Variants in STK3 observed in about 807,000 individuals in gnomAD.
The protein encoded by STK3 is serine/threonine kinase 3, also known as serine/threonine-protein kinase 3.
STK3 carries 41 observed loss-of-function variants against 58.0 expected under a neutral mutation model. The ratio of observed to expected loss-of-function variants is 0.71; its 90% confidence interval spans 0.55 to 0.92. The LOEUF is 0.92. Ranked by LOEUF, STK3 falls within the 40% of genes least tolerant of loss-of-function variation. The pLI is 0.00. For missense variants in STK3, 479 were observed against 602.7 expected, an observed-to-expected ratio of 0.79 and a Z score of 2.15; for synonymous variants, 170 against 191.0, an observed-to-expected ratio of 0.89 and a Z score of 0.91.
intron 1 of STK3, among the ~76,000 whole-genome samples, chr8:98,895,271 G>A (rs1168271456): frequency 6.6e-6 from 1 of 152,164 alleles, no homozygotes; most frequent in Non-Finnish European, 1.5e-5. Context: ...CCTGAGGTAA[G>A]CCCTAAGATT....
At position 98,814,271 on chromosome 8, in the gene STK3, G is replaced by A. The variant is rs377477110; in HGVS notation, c.26+11244C>T. 7.3e-5 allele frequency among the ~76,000 whole-genome samples: 11 copies of A among 151,274 alleles called. No homozygotes were observed. In the East Asian group the frequency reaches 7.7e-4, roughly 11 times the overall value. ...TCACCATGTTGGTCAGGCTGGTCTC[G>A]AACTCCTGACCTCAGGTGATCCACC... On this transcript the variant is annotated intron_variant, in intron 1 of 10. Transcript: ENST00000419617.
chr8:98,377,398 C>T (rs913492368), intron 2 of STK3, among the ~76,000 whole-genome samples: 49 of 151,938 alleles, frequency 3.2e-4, no homozygotes, highest in African/African-American at 1.1e-3. Context: ...TATTTATTTG[C>T]AGCCAAATAG....
At chr8:98,383,321 G>A (rs1005570883) in intron 1 of STK3, among the ~76,000 whole-genome samples, 1 of 152,152 alleles carries the variant, frequency 6.6e-6, no homozygotes, top group Non-Finnish European at 1.5e-5. Context: ...TGTGTTTTAT[G>A]AAAGCCCATG....
chr8:98,454,531 T>A (rs1819352791), downstream of STK3: 1 of 152,292 alleles, frequency 6.6e-6, no homozygotes, highest in Non-Finnish European at 1.5e-5. Context: ...GTGAGGGTTG[T>A]CAGCACTGCA....
chr8:98,692,451 AACAC>A (rs200415762), intron 6 of STK3, among the ~76,000 whole-genome samples: 1 of 152,092 alleles, frequency 6.6e-6, no homozygotes, highest in South Asian at 2.1e-4. Flanking sequence ...GGCTACATAA[AACAC>A]ACACACACAC....
downstream of STK3, among the ~76,000 whole-genome samples, chr8:98,367,374 C>G (rs1351547215): frequency 2.0e-5 from 3 of 152,200 alleles, no homozygotes; most frequent in African/African-American, 7.2e-5. Flanking sequence ...TAGAAATAAT[C>G]TTTGGATCGC....
intron 1 of STK3, among the ~76,000 whole-genome samples, chr8:98,918,319 G>T (rs145471299): frequency 2.6e-5 from 4 of 152,322 alleles, no homozygotes; most frequent in Non-Finnish European, 4.4e-5. Context: ...ACTTGCAAAA[G>T]TCAGGTATTT....
At chr8:98,358,290 C>T in the STK3 span, among the ~76,000 whole-genome samples, 1 of 152,152 alleles carries the variant, frequency 6.6e-6, no homozygotes, top group African/African-American at 2.4e-5. Context: ...AGCTCTTCCC[C>T]GGGTCAGGCA....
chr8:98,685,436 T>C (rs1002589854), intron 6 of STK3, among the ~76,000 whole-genome samples: 1 of 152,180 alleles, frequency 6.6e-6, no homozygotes, highest in African/African-American at 2.4e-5. Flanking sequence ...TCTAGAGAAG[T>C]TGAGACCTGT....
chr8:98,761,541 CT>C (rs1439042660), intron 3 of STK3, among the ~76,000 whole-genome samples: 4 of 152,118 alleles, frequency 2.6e-5, no homozygotes, highest in African/African-American at 9.7e-5. Context: ...AATTAAAATA[CT>C]AAAGAAATGG....
At chr8:98,349,198 C>T in the STK3 span, among the ~76,000 whole-genome samples, 1 of 152,102 alleles carries the variant, frequency 6.6e-6, no homozygotes, top group Non-Finnish European at 1.5e-5. Context: ...CTAGAAAAGG[C>T]AGAACTACAG....
At chr8:98,565,960 AT>A (rs1432292784) in intron 8 of STK3, among the ~76,000 whole-genome samples, 1 of 152,214 alleles carries the variant, frequency 6.6e-6, no homozygotes, top group African/African-American at 2.4e-5. Context: ...GATCTTTGTC[AT>A]ATTTAACAAC....
Position 98,428,517 on chromosome 8 carries a change from C to T in STK3, n.483+5610G>A. On this transcript the variant is annotated intron_variant and non_coding_transcript_variant, in intron 3 of 3. Coordinates refer to the STK3 transcript ENST00000517832. The surrounding 1 kb of genome is among the most constrained non-coding windows in gnomAD (Gnocchi z 6.7). ...GCAGCTGTGGCTGGCGCTGGACAAC[C>T]CCGGCTACTCAGTGCTGAGCAGGGT... 1.9e-6 allele frequency: 3 copies of T among 1,614,176 alleles called. No homozygotes were observed. Among genetic ancestry groups the T allele is most frequent in the Non-Finnish European group, 2.5e-6 (3 of 1,180,034 alleles).
At chr8:98,514,247 TCTTAAA>T (rs1430275948) in intron 10 of STK3, among the ~76,000 whole-genome samples, 3 of 152,076 alleles carry the variant, frequency 2.0e-5, no homozygotes, top group Admixed American at 2.0e-4. Flanking sequence ...GAGATTAAAA[TCTTAAA>T]CTACCCAGAC....
intron 7 of STK3, among the ~76,000 whole-genome samples, chr8:98,585,430 G>C (rs1456182986): frequency 2.6e-5 from 4 of 151,490 alleles, no homozygotes; most frequent in African/African-American, 9.7e-5. Context: ...ATTTCTAAGG[G>C]CTCTGTTCTG....
chr8:98,831,437 G>A (rs968513254), intron 3 of STK3, among the ~76,000 whole-genome samples: 1 of 152,098 alleles, frequency 6.6e-6, no homozygotes, highest in African/African-American at 2.4e-5. Context: ...TTTGAGTTTT[G>A]TAGAAACAGA....
chr8:98,535,928 C>A (rs940888209), intron 9 of STK3, among the ~76,000 whole-genome samples: 9 of 152,014 alleles, frequency 5.9e-5, no homozygotes, highest in Middle Eastern at 3.2e-3. Flanking sequence ...GAAGGAAAGA[C>A]AATGTTCTTT....
chr8:98,646,512 C>T (rs1436870219), intron 6 of STK3, among the ~76,000 whole-genome samples: 2 of 152,156 alleles, frequency 1.3e-5, no homozygotes, highest in Non-Finnish European at 1.5e-5. Context: ...TCAGATGTGA[C>T]TTACTTAGTA....
At position 98,628,313 on chromosome 8, in the gene STK3, T is replaced by C. The variant is rs189014894; in HGVS notation, c.685-32144A>G. ...ATTGTTCCCAACCACTTGGTCTGGC[T>C]ACACAATGTTACTAGACACATCTGA... is the stretch of plus-strand genomic sequence containing the variant. On this transcript the variant is annotated intron_variant, in intron 6 of 10. Transcript: ENST00000419617. Among the ~76,000 whole-genome samples, 296 of 152,332 alleles carry C rather than the reference T, an allele frequency of 1.9e-3. 5 individuals are homozygous for C. Among genetic ancestry groups the C allele is most frequent in the Non-Finnish European group, 8.1e-4 (55 of 68,030 alleles).
Sources: allele counts gnomAD v4.1 joint callset (sites outside exome capture counted in the v4.1 genomes callset), GRCh38; gene constraint gnomAD v4.1.1; non-coding constraint Gnocchi (gnomAD v3.1); transcripts MANE v1.5; gene names NCBI Gene and HGNC (gene_info 2026-07-23, HGNC 2026-07-21).